Variants in STYX observed in about 807,000 individuals in gnomAD.
STYX encodes serine/threonine/tyrosine interacting protein.
A neutral mutation model predicts 42.7 loss-of-function variants in STYX; 20 were observed. The ratio of observed to expected loss-of-function variants is 0.47; its 90% CI spans 0.33 to 0.68. The LOEUF is 0.68. Ranked by LOEUF, STYX falls within the 30% of genes least tolerant of loss-of-function variation. The probability of loss-of-function intolerance (pLI) is 0.02; values close to 1 mark genes in which losing one functional copy is unlikely to be tolerated. For synonymous variants in STYX, 78 were observed against 81.9 expected, an observed-to-expected ratio of 0.95 and a Z score of 0.26; for missense variants, 226 against 268.5, an observed-to-expected ratio of 0.84 and a Z score of 1.11.
intron 9 of STYX, among the ~76,000 whole-genome samples, chr14:52,764,688 A>C (rs543558118): frequency 2.0e-3 from 74 of 37,260 alleles, no homozygotes; most frequent in African/African-American, 7.1e-3. Context: ...TTTTTTTTTG[A>C]GTTAGAGTCT....
chr14:52,759,795 T>A, intron 9 of STYX, 41 bp downstream of exon 9: 1 of 1,313,746 alleles, frequency 7.6e-7, no homozygotes, highest in Non-Finnish European at 1.1e-6. Context: ...AAGTAAGATA[T>A]AAAATCTTTT....
At chr14:52,745,520 C>T (rs1445672034) in intron 2 of STYX, among the ~76,000 whole-genome samples, 1 of 152,150 alleles carries the variant, frequency 6.6e-6, no homozygotes. Context: ...CTCTGTTTGT[C>T]TAGATAAGTT....
chr14:52,752,033 G>A (rs1054700081), intron 4 of STYX, among the ~76,000 whole-genome samples: 2 of 152,118 alleles, frequency 1.3e-5, no homozygotes, highest in Non-Finnish European at 2.9e-5. Flanking sequence ...GGTGGCACAT[G>A]CCTGTAATCC....
At chr14:52,730,600 C>G in intron 1 of STYX, 69 bp downstream of exon 1, 1 of 1,551,050 alleles carries the variant, frequency 6.4e-7, no homozygotes, top group Non-Finnish European at 8.8e-7. Context: ...CGACCCCAGT[C>G]CCCAACCGTC....
At chr14:52,746,534 G>C in intron 3 of STYX, 55 bp downstream of exon 3, 3 of 1,473,466 alleles carry the variant, frequency 2.0e-6, no homozygotes, top group Non-Finnish European at 2.7e-6. Context: ...ACTTTTCTTG[G>C]GTAAGTTTTT....
intron 3 of STYX, among the ~76,000 whole-genome samples, chr14:52,749,454 A>G (rs1333356890): frequency 6.6e-6 from 1 of 152,226 alleles, no homozygotes; most frequent in East Asian, 1.9e-4. Context: ...AGGATTTAAA[A>G]CAATGTGTCA....
intron 1 of STYX, 115 bp downstream of exon 1, chr14:52,730,646 G>T: frequency 8.7e-7 from 1 of 1,154,184 alleles, no homozygotes; most frequent in Non-Finnish European, 1.2e-6. Flanking sequence ...TGCCTCCTAA[G>T]GGCGTCCCGG....
intron 4 of STYX, among the ~76,000 whole-genome samples, chr14:52,751,616 A>G (rs1304899666): frequency 6.6e-6 from 1 of 152,214 alleles, no homozygotes; most frequent in Non-Finnish European, 1.5e-5. Flanking sequence ...CTCAAAGTCT[A>G]ATGGAGTAAA....
rs767992048 is a variant in STYX, at chr14:52,773,183, G to A, written c.*2077G>A. The A allele has an allele frequency of 1.3e-5, 2 of 151,930 alleles. No homozygotes were observed. The highest frequency in any genetic ancestry group is 2.9e-5 in the Non-Finnish European group (2 of 68,008). The allele number at this position is 151,930 out of a possible 1,614,324, so 9.4% of individuals were successfully genotyped here. ...CAGATTTTGTTATTGATAATTTGTA[G>A]CTGGTAATTTTCCACATTTTCTATC... On this transcript the variant is annotated 3_prime_UTR_variant, in exon 11 of 11. Coordinates refer to ENST00000354586, the MANE Select transcript of STYX (RefSeq NM_145251.4).
intron 2 of STYX, among the ~76,000 whole-genome samples, chr14:52,746,031 T>G (rs778235757): frequency 1.3e-5 from 2 of 152,238 alleles, no homozygotes; most frequent in Non-Finnish European, 2.9e-5. Flanking sequence ...TAAATTTGAA[T>G]TCAACATCTG....
chr14:52,770,779 T>G (rs545705099), intron 10 of STYX, among the ~76,000 whole-genome samples: 159 of 152,226 alleles, frequency 1.0e-3, no homozygotes, highest in Non-Finnish European at 1.9e-3. Context: ...TTTCACACTA[T>G]TTCAAAAATT....
chr14:52,730,399 C>G lies in STYX; in HGVS notation c.-76C>G. The G allele has an allele frequency of 1.3e-6, 2 of 1,536,536 alleles. No individual in the cohort carries two copies. Among genetic ancestry groups the G allele is most frequent in the Admixed American group, 1.8e-5 (1 of 54,140 alleles). On this transcript the variant is annotated 5_prime_UTR_variant, in exon 1 of 11. Coordinates refer to ENST00000354586, the MANE Select transcript of STYX (RefSeq NM_145251.4). ...GCTCCGCCGGCCCTCCTTCCTTCCG[C>G]CGCCGCAGCCAGCCCGAGGGTCGGC... is the stretch of plus-strand genomic sequence containing the variant.
intron 4 of STYX, among the ~76,000 whole-genome samples, chr14:52,753,201 C>T (rs979925837): frequency 4.0e-5 from 6 of 151,782 alleles, no homozygotes; most frequent in Non-Finnish European, 8.8e-5. Context: ...AGGTGCCCAC[C>T]ACCACTCCCA....
chr14:52,754,547 G>A (rs1594875226), intron 4 of STYX, among the ~76,000 whole-genome samples: 1 of 152,038 alleles, frequency 6.6e-6, no homozygotes, highest in East Asian at 1.9e-4. Context: ...ACTTCGGAAG[G>A]TATAGAATGA....
At position 52,761,760 on chromosome 14, in the gene STYX, G is replaced by A. The variant is rs138056037; in HGVS notation, c.504+2006G>A. 8.8e-3 allele frequency among the ~76,000 whole-genome samples: 1,329 copies of A among 150,920 alleles called. 7 individuals carry two copies. Among genetic ancestry groups the A allele is most frequent in the Admixed American group, 0.016 (244 of 15,166 alleles). Reference sequence around the variant, plus strand: ...ATTTTTGTATTTTTAATAGAGATGGGATGGCCGGGTGTGGTGGCTCACGCC... The same window carrying A: ...ATTTTTGTATTTTTAATAGAGATGGAATGGCCGGGTGTGGTGGCTCACGCC... On this transcript the variant is annotated intron_variant, in intron 9 of 10. Transcript: ENST00000354586.
intron 2 of STYX, 44 bp downstream of exon 2, chr14:52,744,928 C>T: frequency 6.3e-7 from 1 of 1,590,074 alleles, no homozygotes; most frequent in Non-Finnish European, 8.6e-7. Context: ...ATGTTATTAT[C>T]ATAATAAGAA....
chr14:52,749,353 C>G (rs2139901457), intron 3 of STYX, among the ~76,000 whole-genome samples: 1 of 152,246 alleles, frequency 6.6e-6, no homozygotes, highest in South Asian at 2.1e-4. Context: ...GTTCATAACA[C>G]ATATAAATTA....
chr14:52,739,790 C>T (rs1482579867), intron 1 of STYX, among the ~76,000 whole-genome samples: 2 of 151,590 alleles, frequency 1.3e-5, no homozygotes, highest in East Asian at 1.9e-4. Flanking sequence ...CTCAGTCATG[C>T]ACCACCACCG....
At chr14:52,739,668 G>T (rs1336088311) in intron 1 of STYX, among the ~76,000 whole-genome samples, 7 of 120,068 alleles carry the variant, frequency 5.8e-5, no homozygotes. Flanking sequence ...TTGAGATAGG[G>T]TCTGTCTCTG....
Sources: allele counts gnomAD v4.1 joint callset (sites outside exome capture counted in the v4.1 genomes callset), GRCh38; gene constraint gnomAD v4.1.1; transcripts MANE v1.5; gene names NCBI Gene and HGNC (gene_info 2026-07-23, HGNC 2026-07-21).